ADGRL3: variants seen among roughly 807,000 people sequenced by gnomAD.
The protein encoded by ADGRL3 is adhesion G protein-coupled receptor L3.
A neutral mutation model predicts 153.5 loss-of-function variants in ADGRL3; 62 were observed. The observed-to-expected ratio is 0.40, with a 90% CI of 0.33 to 0.50. The LOEUF (loss-of-function observed/expected upper bound fraction) is 0.50, where lower values mean the gene tolerates loss of function less well. Among genes scored for constraint, ADGRL3 ranks in the 20% least tolerant of loss-of-function variants. The pLI, the probability that ADGRL3 is intolerant of heterozygous loss-of-function variation, is 0.47. For missense variants in ADGRL3, 1,641 were observed against 1,859.4 expected (o/e 0.88, Z 2.16); for synonymous variants, 710 against 672.5 (o/e 1.06, Z -0.86).
intron 11 of ADGRL3, among the ~76,000 whole-genome samples, chr4:61,905,222 T>G (rs2098689638): frequency 1.3e-5 from 2 of 152,138 alleles, no homozygotes; most frequent in African/African-American, 2.4e-5. Context: ...GTATCAGATA[T>G]CTAGACTTCT....
chr4:61,820,781 T>C (rs2345042), intron 9 of ADGRL3, among the ~76,000 whole-genome samples: 8,167 of 152,194 alleles, frequency 0.054, 369 homozygotes, highest in African/African-American at 0.12. Context: ...TGAGAGTTCT[T>C]AGCAGGACTC....
rs397993633 is a variant in ADGRL3, at chr4:61,392,684, C to CAAAAAAAAAAAAAAAAAAA, written c.-174+9499_-174+9517dup. On this transcript the variant is annotated intron_variant, in intron 2 of 26. Coordinates refer to ENST00000683033, the MANE Select transcript of ADGRL3 (RefSeq NM_001387552.1). Reference sequence around the variant, plus strand: ...CTGGTGACAGAGCGAGACTCCATCTCAAAAAAAAAAAAAAAAAAAAAAGAA... The same window carrying CAAAAAAAAAAAAAAAAAAA: ...CTGGTGACAGAGCGAGACTCCATCTCAAAAAAAAAAAAAAAAAAAAAAAAAAAAAAAAAAAAAAAAAGAA... 2.5e-3 allele frequency among the ~76,000 whole-genome samples: 34 copies of CAAAAAAAAAAAAAAAAAAA among 13,376 alleles called. 3 individuals are homozygous for CAAAAAAAAAAAAAAAAAAA. The highest frequency in any genetic ancestry group is 3.2e-3 in the African/African-American group (19 of 5,864). The allele number at this position is 13,376 out of a possible 152,430, so 8.8% of individuals were successfully genotyped here. A position where few individuals can be genotyped will look rare whatever the true frequency, so the allele number is the denominator to read the frequency against.
chr4:61,905,365 T>C (rs892223015), intron 11 of ADGRL3, among the ~76,000 whole-genome samples: 1 of 152,216 alleles, frequency 6.6e-6, no homozygotes, highest in Non-Finnish European at 1.5e-5. Flanking sequence ...TGTACAGAAA[T>C]TTAAATGTAT....
chr4:61,400,739 A>G (rs1425662827), intron 2 of ADGRL3, among the ~76,000 whole-genome samples: 1 of 151,206 alleles, frequency 6.6e-6, no homozygotes, highest in South Asian at 2.1e-4. Context: ...GTGTGAAGGC[A>G]TTACAGTGGG....
At chr4:61,558,874 A>G (rs2148936688) in intron 4 of ADGRL3, among the ~76,000 whole-genome samples, 1 of 152,196 alleles carries the variant, frequency 6.6e-6, no homozygotes, top group East Asian at 1.9e-4. Flanking sequence ...AACATATCTG[A>G]CATATAAAAA....
At chr4:61,309,957 G>T (rs376162323) in intron 1 of ADGRL3, among the ~76,000 whole-genome samples, 4 of 151,836 alleles carry the variant, frequency 2.6e-5, no homozygotes, top group African/African-American at 9.7e-5. Flanking sequence ...TCATTTTGAG[G>T]TCTAAGTTAT....
At chr4:61,692,877 C>A (rs2151159045) in intron 6 of ADGRL3, among the ~76,000 whole-genome samples, 1 of 152,164 alleles carries the variant, frequency 6.6e-6, no homozygotes, top group Non-Finnish European at 1.5e-5. Context: ...CTAGTGGGTA[C>A]CTTTAGCGTG....
At chr4:61,899,345 C>T (rs2098650653) in intron 11 of ADGRL3, among the ~76,000 whole-genome samples, 1 of 152,008 alleles carries the variant, frequency 6.6e-6, no homozygotes, top group African/African-American at 2.4e-5. Context: ...ATTTCTGCAA[C>T]TGATTTTTTT....
intron 9 of ADGRL3, among the ~76,000 whole-genome samples, chr4:61,851,392 G>T (rs879315422): frequency 2.6e-5 from 4 of 152,012 alleles, no homozygotes; most frequent in Non-Finnish European, 5.9e-5. Context: ...TTTGAGACCT[G>T]CCTGGACAGC....
At chr4:61,508,391 T>C (rs2098443506) in intron 3 of ADGRL3, among the ~76,000 whole-genome samples, 1 of 152,210 alleles carries the variant, frequency 6.6e-6, no homozygotes, top group Non-Finnish European at 1.5e-5. Flanking sequence ...TGTGTTTGAC[T>C]CTTTTACTAT....
At chr4:61,365,151 A>G (rs1317958186) in intron 1 of ADGRL3, among the ~76,000 whole-genome samples, 1 of 152,144 alleles carries the variant, frequency 6.6e-6, no homozygotes, top group East Asian at 1.9e-4. Context: ...TACTGCCCAG[A>G]CATCTCTTTA....
intron 3 of ADGRL3, among the ~76,000 whole-genome samples, chr4:61,503,797 T>C (rs2098408636): frequency 6.6e-6 from 1 of 152,178 alleles, no homozygotes; most frequent in Admixed American, 6.5e-5. Context: ...TATACAGCAT[T>C]TTGATACATG....
chr4:61,516,337 G>GTTT (rs2098494883), intron 3 of ADGRL3, among the ~76,000 whole-genome samples: 1 of 150,112 alleles, frequency 6.7e-6, no homozygotes, highest in Non-Finnish European at 1.5e-5. Flanking sequence ...TTATTAATGT[G>GTTT]TTTTTATACA....
chr4:61,808,732 GTGTTTGTT>G (rs539186158), intron 8 of ADGRL3, among the ~76,000 whole-genome samples: 4 of 148,808 alleles, frequency 2.7e-5, no homozygotes, highest in African/African-American at 5.0e-5. Context: ...ATGGGTTTTT[GTGTTTGTT>G]TGTTTGTTTG....
chr4:61,946,093 G>A (rs530580813), intron 15 of ADGRL3, among the ~76,000 whole-genome samples: 21 of 152,158 alleles, frequency 1.4e-4, no homozygotes, highest in Admixed American at 3.9e-4. Context: ...ATATGTTTTC[G>A]GTTACCTGGG....
chr4:61,584,913 A>G (rs915130926), intron 4 of ADGRL3, among the ~76,000 whole-genome samples: 1 of 151,972 alleles, frequency 6.6e-6, no homozygotes, highest in African/African-American at 2.4e-5. Context: ...ATTGAAAAGG[A>G]CTTCAGATTT....
chr4:62,024,859 G>A (rs1717460457), intron 21 of ADGRL3, among the ~76,000 whole-genome samples: 1 of 151,362 alleles, frequency 6.6e-6, no homozygotes, highest in Admixed American at 6.6e-5. Flanking sequence ...GAACCCGGGA[G>A]GTGGAGGTTG....
At chr4:61,951,023 C>T (rs1210445239) in intron 17 of ADGRL3, among the ~76,000 whole-genome samples, 1 of 152,138 alleles carries the variant, frequency 6.6e-6, no homozygotes, top group Non-Finnish European at 1.5e-5. Context: ...CTTATTAGAA[C>T]TGTGGCCATG....
intron 5 of ADGRL3, among the ~76,000 whole-genome samples, chr4:61,590,988 TAC>T (rs1215008551): frequency 6.6e-6 from 1 of 152,178 alleles, no homozygotes; most frequent in African/African-American, 2.4e-5. Flanking sequence ...ATCATACGTG[TAC>T]ACCTCAATGA....
Sources: gnomAD v4.1 joint callset for allele counts (sites outside exome capture counted in the v4.1 genomes callset) on GRCh38, gnomAD v4.1.1 for gene constraint, MANE v1.5 for transcripts, NCBI Gene and HGNC (gene_info 2026-07-23, HGNC 2026-07-21) for gene names.